Variants in SOHLH2 observed in about 807,000 individuals in gnomAD.
SOHLH2 encodes spermatogenesis- and oogenesis-specific basic helix-loop-helix-containing protein 2.
Under a neutral mutation model 50.4 loss-of-function variants are expected in SOHLH2, and 22 were observed. The ratio of observed to expected loss-of-function variants is 0.44; its 90% CI spans 0.31 to 0.62. SOHLH2 has a LOEUF of 0.62. Among genes scored for constraint, SOHLH2 ranks in the 20% least tolerant of loss-of-function variants. The pLI, the probability that SOHLH2 is intolerant of heterozygous loss-of-function variation, is 0.08. For missense variants in SOHLH2, 412 were observed against 504.4 expected (o/e 0.82, Z 1.76); for synonymous variants, 185 against 187.3 (o/e 0.99, Z 0.10).
chr13:36,211,070 T>A (rs897636538), intron 1 of SOHLH2, among the ~76,000 whole-genome samples: 1 of 152,180 alleles, frequency 6.6e-6, no homozygotes, highest in African/African-American at 2.4e-5. Flanking sequence ...TAACAAGTGA[T>A]CACAACAGGA....
chr13:36,170,870 G>T, intron 9 of SOHLH2, 83 bp from the exon 10 acceptor site: 1 of 1,533,704 alleles, frequency 6.5e-7, no homozygotes, highest in Non-Finnish European at 8.8e-7. Flanking sequence ...TAAACTGCCC[G>T]CTATTTCATT....
At chr13:36,208,479 A>C (rs550424609) in intron 1 of SOHLH2, among the ~76,000 whole-genome samples, 11 of 152,330 alleles carry the variant, frequency 7.2e-5, no homozygotes, top group African/African-American at 2.6e-4. Flanking sequence ...GTAAGTATAC[A>C]TAGCCATTTT....
At chr13:36,194,609 A>G (rs541855894) in intron 2 of SOHLH2, among the ~76,000 whole-genome samples, 1 of 152,314 alleles carries the variant, frequency 6.6e-6, no homozygotes, top group South Asian at 2.1e-4. Context: ...AAATTTTTCA[A>G]ATAAAACTTT....
intron 6 of SOHLH2, among the ~76,000 whole-genome samples, chr13:36,181,369 T>TC (rs1887251787): frequency 6.6e-6 from 1 of 152,152 alleles, no homozygotes; most frequent in Admixed American, 6.5e-5. Flanking sequence ...TACCTTTTTT[T>TC]CCCTCTGTAG....
chr13:36,175,877 G>A (rs1322360111), intron 6 of SOHLH2, among the ~76,000 whole-genome samples: 3 of 152,166 alleles, frequency 2.0e-5, no homozygotes, highest in African/African-American at 7.2e-5. Context: ...GACAACGTGT[G>A]TGAAGGGCTT....
intron 2 of SOHLH2, 148 bp downstream of exon 2, chr13:36,201,731 A>C: frequency 8.0e-7 from 1 of 1,250,318 alleles, no homozygotes; most frequent in South Asian, 1.6e-5. Context: ...CGGCCTCTCA[A>C]AGTGCCAGGA....
chr13:36,213,536 C>G, intron 1 of SOHLH2, among the ~76,000 whole-genome samples: 1 of 152,188 alleles, frequency 6.6e-6, no homozygotes, highest in South Asian at 2.1e-4. Flanking sequence ...CCCTCCCCAG[C>G]TGGCCTTGCT....
rs535064632 is a variant in SOHLH2 at position 36,208,034 on chromosome 13, C to T, written c.49-5941G>A. ...AAGGCAGTCACTAAGTCTGGCCACA[C>T]TCAATGGAAAGGGACTAAAGTACCA... is the stretch of plus-strand genomic sequence containing the variant. On this transcript the variant is annotated intron_variant, in intron 1 of 10. Coordinates refer to ENST00000379881, the MANE Select transcript of SOHLH2 (RefSeq NM_017826.3). Among the ~76,000 whole-genome samples, 17 of 152,260 alleles carry T rather than the reference C, an allele frequency of 1.1e-4. No homozygotes were observed. The South Asian group carries it at 3.1e-3, about 28-fold the overall frequency.
At chr13:36,170,377 C>T (rs1279482937) in intron 10 of SOHLH2, among the ~76,000 whole-genome samples, 154 bp downstream of exon 10, 5 of 152,136 alleles carry the variant, frequency 3.3e-5, no homozygotes, top group Non-Finnish European at 7.4e-5. Flanking sequence ...GGGTTGACTG[C>T]ACCTCCTTTT....
chr13:36,175,214 A>G (rs911686937), intron 6 of SOHLH2, among the ~76,000 whole-genome samples: 1 of 152,248 alleles, frequency 6.6e-6, no homozygotes, highest in Non-Finnish European at 1.5e-5. Flanking sequence ...CTGCCTACGG[A>G]AATGTGCAGA....
Position 36,190,070 on chromosome 13 carries a change from A to T in SOHLH2, c.531-14T>A. The T allele has an allele frequency of 6.3e-7, 1 of 1,592,216 alleles. No homozygotes were observed. Among genetic ancestry groups the T allele is most frequent in the Non-Finnish European group, 8.6e-7 (1 of 1,168,924 alleles). ...AAAGATTCAGAGCTAGAAACAAGAG[A>T]AAATCACACCATACATTAAAGGGGA... On this transcript the variant is annotated splice_polypyrimidine_tract_variant and intron_variant, in intron 5 of 10. Coordinates refer to ENST00000379881, the MANE Select transcript of SOHLH2 (RefSeq NM_017826.3).
chr13:36,170,809 A>C, intron 9 of SOHLH2, 22 bp from the exon 10 acceptor site: 1 of 1,606,800 alleles, frequency 6.2e-7, no homozygotes, highest in Non-Finnish European at 8.5e-7. Flanking sequence ...AAGAAAACAA[A>C]TATGGGTCAG....
At chr13:36,206,948 T>C (rs1868805379) in intron 1 of SOHLH2, among the ~76,000 whole-genome samples, 1 of 151,724 alleles carries the variant, frequency 6.6e-6, no homozygotes, top group Non-Finnish European at 1.5e-5. Context: ...GATGATTCTA[T>C]ATAGCAAATA....
At chr13:36,205,974 T>C (rs1047880153) in intron 1 of SOHLH2, among the ~76,000 whole-genome samples, 15 of 152,002 alleles carry the variant, frequency 9.9e-5, no homozygotes, top group African/African-American at 3.4e-4. Context: ...TTTTATATTG[T>C]TTAATGTTTT....
At chr13:36,178,285 T>C (rs1887146173) in intron 6 of SOHLH2, among the ~76,000 whole-genome samples, 1 of 147,644 alleles carries the variant, frequency 6.8e-6, no homozygotes, top group African/African-American at 2.4e-5. Flanking sequence ...ATGCTCCATC[T>C]TGAAATAATT....
chr13:36,190,623 C>T (rs2138296644), intron 5 of SOHLH2, among the ~76,000 whole-genome samples: 1 of 152,138 alleles, frequency 6.6e-6, no homozygotes, highest in African/African-American at 2.4e-5. Flanking sequence ...AGAGATATAA[C>T]TTGATTTGAA....
chr13:36,213,311 A>G (rs1380752092), intron 1 of SOHLH2, among the ~76,000 whole-genome samples: 1 of 152,196 alleles, frequency 6.6e-6, no homozygotes, highest in African/African-American at 2.4e-5. Flanking sequence ...ATTTTTCCTT[A>G]GAGTTTAAAT....
At chr13:36,214,326 G>A (rs980374060) in intron 1 of SOHLH2, among the ~76,000 whole-genome samples, 153 bp downstream of exon 1, 1 of 151,974 alleles carries the variant, frequency 6.6e-6, no homozygotes, top group South Asian at 2.1e-4. Context: ...GTGGACTCGC[G>A]TCCTGGAAGG....
chr13:36,176,208 G>A (rs1023693390), intron 6 of SOHLH2, among the ~76,000 whole-genome samples: 1 of 152,004 alleles, frequency 6.6e-6, no homozygotes, highest in African/African-American at 2.4e-5. Context: ...AAAGACTGAA[G>A]GCAAAAACAT....
Sources: allele counts gnomAD v4.1 joint callset (sites outside exome capture counted in the v4.1 genomes callset), GRCh38; gene constraint gnomAD v4.1.1; transcripts MANE v1.5; gene names NCBI Gene and HGNC (gene_info 2026-07-23, HGNC 2026-07-21).